The following TTC1 variants were observed in gnomAD, a reference collection of about 807,000 sequenced individuals.
TTC1 encodes the protein tetratricopeptide repeat protein 1.
TTC1 carries 31 observed loss-of-function variants against 37.6 expected under a neutral mutation model. The ratio of observed to expected loss-of-function variants is 0.82; its 90% CI spans 0.62 to 1.11. TTC1 has a LOEUF of 1.11. TTC1 is among the 50% of genes most tolerant of loss of function. The pLI, the probability that TTC1 is intolerant of heterozygous loss-of-function variation, is 0.00. For synonymous variants in TTC1, 127 were observed against 122.4 expected, an observed-to-expected ratio of 1.04 and a Z score of -0.25; for missense variants, 351 against 339.0, an observed-to-expected ratio of 1.04 and a Z score of -0.28.
intron 5 of TTC1, among the ~76,000 whole-genome samples, chr5:160,048,521 C>A (rs1266716152): frequency 1.3e-5 from 2 of 152,108 alleles, no homozygotes; most frequent in Admixed American, 6.5e-5. Context: ...TATGTTGAAC[C>A]AAAACATAGC....
chr5:160,042,363 T>A (rs1317969406), intron 4 of TTC1, among the ~76,000 whole-genome samples: 1 of 152,256 alleles, frequency 6.6e-6, no homozygotes, highest in African/African-American at 2.4e-5. Flanking sequence ...CTTATTTCTG[T>A]AATACAAAAA....
intron 7 of TTC1, among the ~76,000 whole-genome samples, chr5:160,059,111 C>T (rs1311022246): frequency 6.6e-6 from 1 of 152,190 alleles, no homozygotes; most frequent in Non-Finnish European, 1.5e-5. Flanking sequence ...GAGAGTCAGC[C>T]TATCCTTTGA....
intron 2 of TTC1, among the ~76,000 whole-genome samples, chr5:160,016,342 C>G (rs1464885270): frequency 6.6e-6 from 1 of 152,194 alleles, no homozygotes; most frequent in African/African-American, 2.4e-5. Flanking sequence ...CACGCCACTG[C>G]ACTCCAGCCT....
intron 7 of TTC1, 106 bp downstream of exon 7, chr5:160,051,289 A>T: frequency 1.2e-6 from 1 of 852,720 alleles, no homozygotes; most frequent in Non-Finnish European, 1.8e-6. Context: ...TTCGGACTCT[A>T]CCACAAGGCT....
At chr5:160,025,701 C>G (rs1174418531) in intron 2 of TTC1, among the ~76,000 whole-genome samples, 1 of 152,190 alleles carries the variant, frequency 6.6e-6, no homozygotes, top group Non-Finnish European at 1.5e-5. Flanking sequence ...ATTTCCACAC[C>G]TGTGGAAGAC....
At chr5:160,030,874 C>G (rs1442373249) in intron 2 of TTC1, among the ~76,000 whole-genome samples, 1 of 152,156 alleles carries the variant, frequency 6.6e-6, no homozygotes, top group African/African-American at 2.4e-5. Flanking sequence ...ACATTAGAAG[C>G]TTCTGTTCAT....
At chr5:160,020,408 C>A (rs1486513258) in intron 2 of TTC1, among the ~76,000 whole-genome samples, 2 of 152,174 alleles carry the variant, frequency 1.3e-5, no homozygotes. Flanking sequence ...AACCACCCTG[C>A]CTGGCCTGAT....
In TTC1 at chr5:160,049,655, C is replaced by G. The variant is rs748533174; in HGVS notation, c.683C>G (p.Ala228Gly). 1 of 1,576,028 alleles carries G rather than the reference C, an allele frequency of 6.3e-7. No homozygotes were observed. The highest frequency in any genetic ancestry group is 2.3e-5 in the East Asian group (1 of 44,250). ...KDPSIHQARE[A>G]CMRLPKQIEE... ...CCATCAATACATCAAGCAAGAGAAG[C>G]TTGTATGGTAAAACCTAAAATTTTA... The change falls in exon 6 of 8, where the codon GCT becomes GGT. Residue 228 changes from alanine (A) to glycine (G), a missense_variant. By Grantham distance (60) the Ala-to-Gly change is moderately conservative. Coordinates refer to ENST00000231238, the MANE Select transcript of TTC1 (RefSeq NM_003314.3).
At chr5:160,025,806 G>A (rs1210944302) in intron 2 of TTC1, among the ~76,000 whole-genome samples, 4 of 152,014 alleles carry the variant, frequency 2.6e-5, no homozygotes, top group East Asian at 1.9e-4. Context: ...GTCTAGCTTC[G>A]TTGCCAGTGC....
chr5:160,043,934 T>C (rs1757148459), intron 5 of TTC1, among the ~76,000 whole-genome samples: 1 of 152,204 alleles, frequency 6.6e-6, no homozygotes, highest in South Asian at 2.1e-4. Context: ...TAGGGACACC[T>C]CAGACATAGG....
chr5:160,020,972 G>A (rs889768861), intron 2 of TTC1, among the ~76,000 whole-genome samples: 2 of 152,214 alleles, frequency 1.3e-5, no homozygotes, highest in African/African-American at 2.4e-5. Flanking sequence ...GTGCCAAAAA[G>A]GGTAGGGACC....
Position 160,010,511 on chromosome 5 carries a change from C to G in TTC1, c.-18C>G. The stretch of plus-strand genomic sequence containing the variant: ...TTGTTTTCCCCCAGCTTTAGCGTCA[C>G]CTCCCTCACTGGGCAGCATGGGGGA... On this transcript the variant is annotated 5_prime_UTR_variant, in exon 2 of 8. Transcript: ENST00000231238. 6.2e-7 allele frequency: 1 copy of G among 1,600,222 alleles called. No homozygotes were observed. Among genetic ancestry groups the G allele is most frequent in the Non-Finnish European group, 8.5e-7 (1 of 1,169,648 alleles).
chr5:160,063,604 G>A (rs1415076706), intron 7 of TTC1: 4 of 152,228 alleles, frequency 2.6e-5, no homozygotes, highest in Admixed American at 1.3e-4. Flanking sequence ...GTGGGAAGGA[G>A]CCTGTACCTC....
At chr5:160,024,131 A>G (rs1341545904) in intron 2 of TTC1, 1 of 643,124 alleles carries the variant, frequency 1.6e-6, no homozygotes. Context: ...CACAGTGCCT[A>G]CACATTCTGT....
At chr5:160,014,159 A>G (rs1185243399) in intron 2 of TTC1, among the ~76,000 whole-genome samples, 1 of 151,340 alleles carries the variant, frequency 6.6e-6, no homozygotes, top group Non-Finnish European at 1.5e-5. Context: ...TCGACCCGAG[A>G]CCAGCCTGGC....
intron 2 of TTC1, among the ~76,000 whole-genome samples, chr5:160,026,829 CT>C (rs1756814261): frequency 1.3e-5 from 2 of 151,958 alleles, no homozygotes; most frequent in Admixed American, 1.3e-4. Context: ...AGTCATTTGT[CT>C]TTTACAAGTC....
Position 160,041,686 on chromosome 5 carries a change from A to G in TTC1, c.505-1447A>G, listed in dbSNP as rs115118183. The stretch of plus-strand genomic sequence containing the variant: ...AGCATCACACCAACACCTGAGTAGT[A>G]GGTTATGCCATGATGTTATGACGGC... On this transcript the variant is annotated intron_variant, in intron 4 of 7. Coordinates refer to ENST00000231238, the MANE Select transcript of TTC1 (RefSeq NM_003314.3). 7.1e-3 allele frequency among the ~76,000 whole-genome samples: 1,078 copies of G among 152,238 alleles called. 10 individuals carry two copies. The highest frequency in any genetic ancestry group is 0.024 in the African/African-American group (1,007 of 41,544).
At chr5:160,028,422 T>G (rs1756847886) in intron 2 of TTC1, among the ~76,000 whole-genome samples, 1 of 152,158 alleles carries the variant, frequency 6.6e-6, no homozygotes, top group African/African-American at 2.4e-5. Context: ...TTTTCTTCAG[T>G]CTTTTTGTTT....
chr5:160,061,099 A>G (rs1489079918), intron 7 of TTC1, among the ~76,000 whole-genome samples: 1 of 152,212 alleles, frequency 6.6e-6, no homozygotes, highest in Non-Finnish European at 1.5e-5. Context: ...CTGGCTCAGG[A>G]CAGCCTGGCA....
Sources: gnomAD v4.1 joint callset for allele counts (sites outside exome capture counted in the v4.1 genomes callset) on GRCh38, gnomAD v4.1.1 for gene constraint, MANE v1.5 for transcripts, NCBI Gene and HGNC (gene_info 2026-07-23, HGNC 2026-07-21) for gene names.